Variants in DIDO1 observed in about 807,000 individuals in gnomAD.
DIDO1 encodes the protein death-inducer obliterator 1.
DIDO1 carries 16 observed loss-of-function variants against 99.4 expected under a neutral mutation model. That is an observed-to-expected ratio of 0.16 (90% confidence interval 0.11 to 0.24). DIDO1 has a LOEUF of 0.24. Among genes scored for constraint, DIDO1 ranks in the 10% least tolerant of loss-of-function variants. DIDO1 has a pLI of 1.00. For missense variants in DIDO1, 2,996 were observed against 3,014.0 expected (o/e 0.99, Z 0.14); for synonymous variants, 1,366 against 1,239.1 (o/e 1.10, Z -2.15).
In DIDO1 at chr20:62,881,732, G is replaced by T; in HGVS notation, c.4224C>A (p.His1408Gln). Residue 1408 changes from histidine (H) to glutamine (Q), a missense_variant, in exon 16 of 16, where the codon CAC (histidine) becomes CAA (glutamine). Physicochemically the swap from His to Gln is conservative, Grantham distance 24 (BLOSUM62 0). Coordinates refer to ENST00000395343, the MANE Select transcript of DIDO1 (RefSeq NM_001193369.2). This position sits in a 1 kb window ranked among gnomAD's most constrained non-coding sequence, Gnocchi z 8.3. ...DTQLVERGRR[H>Q]EVERAPEAAA... is the part of the protein sequence containing the mutation. ...CTGCTTCAGGAGCCCTTTCCACCTC[G>T]TGGCGCCGCCCTCGCTCCACAAGCT... The T allele has an allele frequency of 6.2e-7, 1 of 1,612,942 alleles. No individual in the cohort carries two copies. The highest frequency in any genetic ancestry group is 8.5e-7 in the Non-Finnish European group (1 of 1,180,016).
intron 1 of DIDO1, among the ~76,000 whole-genome samples, chr20:62,931,879 G>T (rs1438610132): frequency 1.2e-4 from 18 of 152,196 alleles, no homozygotes; most frequent in Admixed American, 1.2e-3. Context: ...CAACCTTCCA[G>T]AATTTGTCCA....
chr20:62,887,422 AT>A, intron 15 of DIDO1: 17 of 985,462 alleles, frequency 1.7e-5, no homozygotes, highest in Non-Finnish European at 2.0e-5. Flanking sequence ...GACACTATGG[AT>A]TCAAACATTC....
rs2064172692 is a variant in DIDO1 at position 62,880,074 on chromosome 20, C to G, written c.5882G>C (p.Gly1961Ala). Residue 1961 changes from glycine (G) to alanine (A), a missense_variant, in exon 16 of 16, where the codon GGC (glycine) becomes GCC (alanine). Physicochemically the swap from Gly to Ala is moderately conservative, Grantham distance 60. Coordinates refer to ENST00000395343, the MANE Select transcript of DIDO1 (RefSeq NM_001193369.2). ...GTCTTCGAACTGCTGAGGCTGAATGCCCCTGGGACCTGGCATAAAGTTAGG... is the reference window on the plus strand; with the variant it reads ...GTCTTCGAACTGCTGAGGCTGAATGGCCCTGGGACCTGGCATAAAGTTAGG... The part of the protein sequence containing the change: ...QAPNFMPGPR[G>A]IQPQQFEDQR... 1.9e-6 allele frequency: 3 copies of G among 1,611,908 alleles called. No homozygotes were observed. The highest frequency in any genetic ancestry group is 1.1e-5 in the South Asian group (1 of 91,078).
At chr20:62,927,630 T>C (rs2147599839), upstream of DIDO1, among the ~76,000 whole-genome samples, 1 of 152,146 alleles carries the variant, frequency 6.6e-6, no homozygotes, top group African/African-American at 2.4e-5. Context: ...TGGCCAAGAG[T>C]AAAAGGGGCC....
chr20:62,879,497 C>T lies in DIDO1; in HGVS notation c.6459G>A (p.Arg2153=), dbSNP rs373321839. ...CGCGCTCTCGGTCGCGGTTGGCGCT[C>T]CTCTCCCGGTTTCTGTCCCAGTCCC... ...SSRDWDRNRE[R]SANRDREREA... Residue 2153 remains arginine, a synonymous_variant, in exon 16 of 16, where the codon AGG becomes AGA. Transcript: ENST00000395343. This position sits in a 1 kb window ranked among gnomAD's most constrained non-coding sequence, Gnocchi z 6.3. 1,222 of 1,595,516 alleles carry T rather than the reference C, an allele frequency of 7.7e-4. No individual in the cohort carries two copies. Among genetic ancestry groups the T allele is most frequent in the Non-Finnish European group, 9.6e-4 (1,135 of 1,177,528 alleles).
chr20:62,881,418 T>A lies in DIDO1; in HGVS notation c.4538A>T (p.His1513Leu). 1 of 1,607,790 alleles carries A rather than the reference T, an allele frequency of 6.2e-7. No individual in the cohort carries two copies. The highest frequency in any genetic ancestry group is 8.5e-7 in the Non-Finnish European group (1 of 1,179,896). The change falls in exon 16 of 16, where the codon CAC becomes CTC. Residue 1513 changes from histidine to leucine, a missense_variant. Around this residue, in one of 5 missense-constraint regions of DIDO1, gnomAD observed 1,562 missense variants for 1,412.6 expected, o/e 1.11. Transcript: ENST00000395343. The surrounding 1 kb of genome is among the most constrained non-coding windows in gnomAD (Gnocchi z 8.3). ...CATCAAGGCGTCCGACACCGAGAAG[T>A]GGGCCATGGAGACCCCGACGGCGGC... is the stretch of plus-strand genomic sequence containing the variant. ...QRAAVGVSMA[H>L]FSVSDALMSP...
At chr20:62,887,861 C>T (rs1184561745) in intron 15 of DIDO1, 5 of 985,488 alleles carry the variant, frequency 5.1e-6, no homozygotes, top group Non-Finnish European at 6.0e-6. Context: ...TGGAACCAGG[C>T]CTCCCAGCTG....
In DIDO1 at chr20:62,882,238, T is replaced by G. The variant is rs1209296020; in HGVS notation, c.3718A>C (p.Lys1240Gln). 2 of 1,613,862 alleles carry G rather than the reference T, an allele frequency of 1.2e-6. No individual in the cohort carries two copies. The highest frequency in any genetic ancestry group is 1.3e-5 in the African/African-American group (1 of 75,008). The change falls in exon 16 of 16, where the codon AAG (lysine) becomes CAG (glutamine). Residue 1240 changes from lysine (K) to glutamine (Q), a missense_variant. Around this residue, in one of 5 missense-constraint regions of DIDO1, gnomAD observed 1,562 missense variants for 1,412.6 expected, o/e 1.11. Coordinates refer to ENST00000395343, the MANE Select transcript of DIDO1 (RefSeq NM_001193369.2). ...KVATVPQSEK[K>Q]PSKYPLCSAD... ...GAGCAGAGTGGATACTTGGAGGGCT[T>G]CTTTTCCGACTGCGGGACTGTGGCT...
chr20:62,907,222 T>C lies in DIDO1; in HGVS notation c.1299A>G (p.Lys433=), dbSNP rs1458582476. 6.8e-6 allele frequency: 11 copies of C among 1,614,270 alleles called. No individual in the cohort carries two copies. Among genetic ancestry groups the C allele is most frequent in the Non-Finnish European group, 8.5e-6 (10 of 1,180,052 alleles). ...AATMKFLSSG[K]EQKPKPKEKM... is the part of the protein sequence containing the mutation. ...TTTCTTTAGGCTTTGGCTTCTGTTC[T>C]TTACCTGAGCTTAGAAACTTCATTG... Residue 433 remains lysine, a synonymous_variant, in exon 5 of 16, where the codon AAA becomes AAG. Coordinates refer to ENST00000395343, the MANE Select transcript of DIDO1 (RefSeq NM_001193369.2).
At chr20:62,900,331 C>T (rs2064638924) in intron 6 of DIDO1, among the ~76,000 whole-genome samples, 1 of 152,250 alleles carries the variant, frequency 6.6e-6, no homozygotes, top group East Asian at 1.9e-4. Context: ...TGAAGCAGGT[C>T]GTCGTCGTGC....
intron 6 of DIDO1, chr20:62,905,610 G>A (rs964483225): frequency 2.6e-6 from 4 of 1,552,252 alleles, no homozygotes; most frequent in Admixed American, 2.0e-5. Flanking sequence ...GCCTGAGAGT[G>A]AAAACAGAGA....
Position 62,911,717 on chromosome 20 carries a change from G to T in DIDO1, c.-2-103C>A. On this transcript the variant is annotated intron_variant, in intron 2 of 15. Transcript: ENST00000395343. The surrounding 1 kb of genome is among the most constrained non-coding windows in gnomAD (Gnocchi z 7.0). ...AGGGGCCACCTCCCTACAAACAGTG[G>T]AGCTCTACATAAAGCAAGTCCTTCT... 9.8e-7 allele frequency: 1 copy of T among 1,023,506 alleles called. No homozygotes were observed. Among genetic ancestry groups the T allele is most frequent in the South Asian group, 1.8e-5 (1 of 55,754 alleles). The allele number at this position is 1,023,506 out of a possible 1,614,324, so 63.4% of individuals were successfully genotyped here.
At position 62,880,929 on chromosome 20, in the gene DIDO1, T is replaced by TGCTGCAGCGGGAAGCCGG; in HGVS notation, c.5009_5026dup (p.Pro1670_Gln1675dup). 6.2e-7 allele frequency: 1 copy of TGCTGCAGCGGGAAGCCGG among 1,609,564 alleles called. No homozygotes were observed. Among genetic ancestry groups the TGCTGCAGCGGGAAGCCGG allele is most frequent in the Non-Finnish European group, 8.5e-7 (1 of 1,179,820 alleles). On this transcript the variant is annotated inframe_insertion, in exon 16 of 16. Coordinates refer to ENST00000395343, the MANE Select transcript of DIDO1 (RefSeq NM_001193369.2). Reference sequence around the variant, plus strand: ...GGTGAAAGGGTCCCTCTCACCGTCGTGCTGCAGCGGGAAGCCGGGCTGCAG... The same window carrying TGCTGCAGCGGGAAGCCGG: ...GGTGAAAGGGTCCCTCTCACCGTCGTGCTGCAGCGGGAAGCCGGGCTGCAGCGGGAAGCCGGGCTGCAG...
rs767098310 is a variant in DIDO1 at position 62,881,387 on chromosome 20, T to G, written c.4569A>C (p.Pro1523=). The change falls in exon 16 of 16, where the codon CCA becomes CCC. Residue 1523 remains proline, a synonymous_variant. Coordinates refer to ENST00000395343, the MANE Select transcript of DIDO1 (RefSeq NM_001193369.2). The surrounding 1 kb of genome is among the most constrained non-coding windows in gnomAD (Gnocchi z 8.3). ...HFSVSDALMS[P]PPKSSLPKAE... ...CCTTGGGCAAGGACGACTTTGGTGG[T>G]GGAGACATCAAGGCGTCCGACACCG... The G allele has an allele frequency of 1.2e-6, 2 of 1,607,034 alleles. No homozygotes were observed. Among genetic ancestry groups the G allele is most frequent in the South Asian group, 2.2e-5 (2 of 91,072 alleles).
intron 15 of DIDO1, among the ~76,000 whole-genome samples, chr20:62,886,849 T>C (rs1269506237): frequency 2.0e-5 from 3 of 152,208 alleles, no homozygotes; most frequent in Non-Finnish European, 4.4e-5. Context: ...ATGACTTGGA[T>C]AGAAAGACTT....
At position 62,879,980 on chromosome 20, in the gene DIDO1, T is replaced by A. The variant is rs769160816; in HGVS notation, c.5976A>T (p.Leu1992=). Residue 1992 remains leucine, a synonymous_variant, in exon 16 of 16, where the codon CTA becomes CTT. Transcript: ENST00000395343. The surrounding 1 kb of genome is among the most constrained non-coding windows in gnomAD (Gnocchi z 6.3). Reference sequence around the variant, plus strand: ...TTTCAGAAAAGGGTGCGGACCCCCGTAGTCCACCAAACTGCAGGGGTGCAG... The same window carrying A: ...TTTCAGAAAAGGGTGCGGACCCCCGAAGTCCACCAAACTGCAGGGGTGCAG... The part of the protein sequence containing the change: ...RAPAPLQFGG[L]RGSAPFSEKN... The A allele has an allele frequency of 6.2e-7, 1 of 1,611,546 alleles. No individual in the cohort carries two copies. The highest frequency in any genetic ancestry group is 8.5e-7 in the Non-Finnish European group (1 of 1,179,762).
chr20:62,900,055 A>AC (rs1383079233), intron 6 of DIDO1, among the ~76,000 whole-genome samples: 1 of 151,756 alleles, frequency 6.6e-6, no homozygotes, highest in Non-Finnish European at 1.5e-5. Context: ...CCAGGAAAAA[A>AC]CCCCACTGCA....
chr20:62,888,609 G>A, intron 15 of DIDO1: 1 of 985,598 alleles, frequency 1.0e-6, no homozygotes. Context: ...TCTCCGTGAG[G>A]ACAGGGTCCG....
Position 62,911,520 on chromosome 20 carries a change from C to T in DIDO1, c.93G>A (p.Arg31=). The T allele has an allele frequency of 6.2e-7, 1 of 1,612,620 alleles. No homozygotes were observed. Among genetic ancestry groups the T allele is most frequent in the Non-Finnish European group, 8.5e-7 (1 of 1,179,318 alleles). Residue 31 remains arginine (R), a synonymous_variant, in exon 3 of 16, where the codon AGG becomes AGA. Transcript: ENST00000395343. The surrounding 1 kb of genome is among the most constrained non-coding windows in gnomAD (Gnocchi z 7.0). ...CGCCCTCTCGCTTGGCGATAGTGGTCCTTCGAAAACCCCATGTTTTCCTGA... is the reference window on the plus strand; with the variant it reads ...CGCCCTCTCGCTTGGCGATAGTGGTTCTTCGAAAACCCCATGTTTTCCTGA... ...KEFRKTWGFR[R]TTIAKREGAG... is the part of the protein sequence containing the mutation.
Sources: allele counts gnomAD v4.1 joint callset (sites outside exome capture counted in the v4.1 genomes callset), GRCh38; gene constraint gnomAD v4.1.1; regional missense constraint gnomAD v4.1.1; non-coding constraint Gnocchi (gnomAD v3.1); transcripts MANE v1.5; gene names NCBI Gene and HGNC (gene_info 2026-07-23, HGNC 2026-07-21).